CASP6: variants seen among roughly 807,000 people sequenced by gnomAD.
The protein encoded by CASP6 is caspase-6.
Under a neutral mutation model 31.8 loss-of-function variants are expected in CASP6, and 20 were observed. The ratio of observed to expected loss-of-function variants is 0.63; its 90% confidence interval spans 0.44 to 0.91. The LOEUF is 0.91. Among genes scored for constraint, CASP6 ranks in the 40% least tolerant of loss-of-function variants. The pLI is 0.00. For synonymous variants in CASP6, 130 were observed against 127.8 expected, an observed-to-expected ratio of 1.02 and a Z score of -0.12; for missense variants, 328 against 361.1, an observed-to-expected ratio of 0.91 and a Z score of 0.74.
At chr4:109,703,510 T>C (rs1025879384), upstream of CASP6, 73 of 1,349,792 alleles carry the variant, frequency 5.4e-5, no homozygotes, top group Admixed American at 1.1e-4. Context: ...CCCCCGAGCG[T>C]GGGGCCAGTT....
the CASP6 span, among the ~76,000 whole-genome samples, chr4:109,673,364 C>T: frequency 2.0e-5 from 3 of 152,176 alleles, no homozygotes; most frequent in Non-Finnish European, 4.4e-5. Flanking sequence ...GCACAACCTC[C>T]GCACTCCTGC....
the CASP6 span, chr4:109,682,757 C>G: frequency 6.3e-7 from 1 of 1,593,950 alleles, no homozygotes; most frequent in South Asian, 1.1e-5. Context: ...GGAAGCATCA[C>G]GGTTGAGTAT....
intron 4 of CASP6, among the ~76,000 whole-genome samples, chr4:109,695,618 T>G (rs1335742340): frequency 6.6e-6 from 1 of 151,094 alleles, no homozygotes; most frequent in Admixed American, 6.6e-5. Context: ...TAGCTGGGCA[T>G]GGGGGCGAGC....
At chr4:109,700,688 T>G (rs1397342791) in intron 1 of CASP6, among the ~76,000 whole-genome samples, 1 of 152,136 alleles carries the variant, frequency 6.6e-6, no homozygotes, top group Non-Finnish European at 1.5e-5. Context: ...CAGCTGTAAC[T>G]TACCTTCACT....
At chr4:109,707,349 T>C (rs1318997684), upstream of CASP6, among the ~76,000 whole-genome samples, 1 of 152,016 alleles carries the variant, frequency 6.6e-6, no homozygotes, top group East Asian at 1.9e-4. Context: ...TCTTTGTATA[T>C]GAAACTTGGG....
upstream of CASP6, among the ~76,000 whole-genome samples, chr4:109,705,859 A>G (rs1382116791): frequency 6.9e-6 from 1 of 145,644 alleles, no homozygotes; most frequent in Non-Finnish European, 1.5e-5. Flanking sequence ...ACATGCCTGT[A>G]TTCCCAGCAA....
chr4:109,665,758 A>G, the CASP6 span, among the ~76,000 whole-genome samples: 2 of 152,164 alleles, frequency 1.3e-5, no homozygotes, highest in African/African-American at 2.4e-5. Context: ...AGAACCCACA[A>G]ATAAGAAGGG....
chr4:109,700,341 T>C (rs1014559853), intron 1 of CASP6, among the ~76,000 whole-genome samples: 4 of 152,164 alleles, frequency 2.6e-5, no homozygotes, highest in Non-Finnish European at 4.4e-5. Context: ...TAGTATTAAG[T>C]AGCTGCTCAA....
chr4:109,674,138 G>T, the CASP6 span: 1 of 1,319,038 alleles, frequency 7.6e-7, no homozygotes, highest in South Asian at 1.2e-5. Flanking sequence ...AAGAGATGCT[G>T]CCTTGTTGGA....
the CASP6 span, among the ~76,000 whole-genome samples, chr4:109,668,151 T>G: frequency 2.6e-5 from 4 of 152,160 alleles, no homozygotes; most frequent in Non-Finnish European, 5.9e-5. Flanking sequence ...TTATCTCAGT[T>G]GATTGGTGGT....
intron 6 of CASP6, 55 bp from the exon 7 acceptor site, chr4:109,689,623 G>C: frequency 2.5e-5 from 37 of 1,460,318 alleles, no homozygotes; most frequent in Non-Finnish European, 3.5e-5. Flanking sequence ...CAATTACTGT[G>C]TGTATTCTTT....
intron 1 of CASP6, among the ~76,000 whole-genome samples, 170 bp from the exon 2 acceptor site, chr4:109,698,512 TAAAC>T (rs1225935217): frequency 6.6e-6 from 1 of 152,172 alleles, no homozygotes; most frequent in Non-Finnish European, 1.5e-5. Context: ...TGCTTACTAA[TAAAC>T]AAACTATAAC....
rs1181075517 is a variant in CASP6 at position 109,697,735 on chromosome 4, CA to C, written c.116del (p.Met39ArgfsTer10). The C allele has an allele frequency of 6.2e-7, 1 of 1,613,648 alleles. No individual in the cohort carries two copies. Among genetic ancestry groups the C allele is most frequent in the Non-Finnish European group, 8.5e-7 (1 of 1,179,882 alleles). On this transcript the variant is annotated frameshift_variant, in exon 3 of 7. Transcript: ENST00000265164. LOFTEE classifies it high-confidence loss of function. ...EMFDPAEKYK[M>X]DHRRRGIALI... is the part of the protein sequence containing the mutation. Reference sequence around the variant, plus strand: ...AAGCAATTCCTCTCCTCCTGTGGTCCATTTTGTACTTTTCTGCCGGATCAAA... The same window carrying C: ...AAGCAATTCCTCTCCTCCTGTGGTCCTTTTGTACTTTTCTGCCGGATCAAA...
At chr4:109,680,461 A>G in the CASP6 span, among the ~76,000 whole-genome samples, 1 of 152,104 alleles carries the variant, frequency 6.6e-6, no homozygotes, top group African/African-American at 2.4e-5. Flanking sequence ...CCCTATTGCA[A>G]TAGTTATTAA....
the CASP6 span, chr4:109,681,324 A>G: frequency 1.7e-4 from 51 of 300,908 alleles, 1 homozygote; most frequent in South Asian, 1.3e-3. Context: ...TAAGTTGGTT[A>G]AAGGTAGTCA....
chr4:109,674,035 G>T, the CASP6 span: 1 of 1,320,648 alleles, frequency 7.6e-7, no homozygotes, highest in Non-Finnish European at 1.1e-6. Context: ...CCACATGCGT[G>T]TGGTAGCCCA....
At position 109,689,573 on chromosome 4, in the gene CASP6, A is replaced by G. The variant is rs1361118093; in HGVS notation, c.644-5T>C. ...TTTCCCGGTGAGAATAATATCCTAA[A>G]AAAGTGAGAAGGAAAATGTTGCTGC... On this transcript the variant is annotated splice_region_variant and splice_polypyrimidine_tract_variant and intron_variant, in intron 6 of 6. Transcript: ENST00000265164. 2 of 1,610,140 alleles carry G rather than the reference A, an allele frequency of 1.2e-6. No homozygotes were observed. Among genetic ancestry groups the G allele is most frequent in the South Asian group, 2.2e-5 (2 of 90,828 alleles).
rs1451316936 is a variant in CASP6 at position 109,703,423 on chromosome 4, T to C, written c.-28A>G. The C allele has an allele frequency of 2.5e-6, 4 of 1,609,178 alleles. No homozygotes were observed. Among genetic ancestry groups the C allele is most frequent in the African/African-American group, 2.7e-5 (2 of 74,806 alleles). On this transcript the variant is annotated 5_prime_UTR_variant, in exon 1 of 7. Coordinates refer to ENST00000265164, the MANE Select transcript of CASP6 (RefSeq NM_001226.4). ...CAGCCAAACGCGCAGCCAGACACCT[T>C]GCCCTCCTCTTCCTGAAGCCACAGG...
the CASP6 span, among the ~76,000 whole-genome samples, chr4:109,679,571 G>A: frequency 2.0e-5 from 3 of 152,318 alleles, no homozygotes; most frequent in East Asian, 1.9e-4. Context: ...GCAGCGAGCC[G>A]AGATCATGGC....
Sources: gnomAD v4.1 joint callset for allele counts (sites outside exome capture counted in the v4.1 genomes callset) on GRCh38, gnomAD v4.1.1 for gene constraint, MANE v1.5 for transcripts, NCBI Gene and HGNC (gene_info 2026-07-23, HGNC 2026-07-21) for gene names.